Variants in MAML3 observed in about 807,000 individuals in gnomAD.
MAML3 encodes mastermind like transcriptional coactivator 3, also known as mastermind-like protein 3.
Under a neutral mutation model 101.9 loss-of-function variants are expected in MAML3, and 27 were observed. The observed-to-expected ratio is 0.27, with a 90% CI of 0.20 to 0.37. MAML3 has a LOEUF of 0.37. Among genes scored for constraint, MAML3 ranks in the 10% least tolerant of loss-of-function variants. The pLI, the probability that MAML3 is intolerant of heterozygous loss-of-function variation, is 1.00. For synonymous variants in MAML3, 501 were observed against 555.9 expected (o/e 0.90, Z 1.39); for missense variants, 1,316 against 1,444.9 (o/e 0.91, Z 1.45).
At chr4:139,933,993 CTA>C (rs1380461382) in intron 1 of MAML3, among the ~76,000 whole-genome samples, 2 of 151,938 alleles carry the variant, frequency 1.3e-5, no homozygotes, top group African/African-American at 4.8e-5. Context: ...GAATGTGTGA[CTA>C]TATGTGAATG....
At chr4:139,860,905 A>T (rs1560816766) in intron 2 of MAML3, among the ~76,000 whole-genome samples, 2 of 151,990 alleles carry the variant, frequency 1.3e-5, no homozygotes, top group Admixed American at 6.5e-5. Context: ...CATTTTCTAA[A>T]TTTCTCAGTG....
chr4:139,798,215 GA>G (rs1193972831), intron 2 of MAML3, among the ~76,000 whole-genome samples: 1 of 151,986 alleles, frequency 6.6e-6, no homozygotes, highest in Non-Finnish European at 1.5e-5. Context: ...AATACAATAA[GA>G]AAAAAATCAC....
chr4:139,761,038 A>C (rs1436972210), intron 2 of MAML3, among the ~76,000 whole-genome samples: 2 of 152,004 alleles, frequency 1.3e-5, no homozygotes, highest in East Asian at 3.9e-4. Context: ...GGCTCACTGC[A>C]ACCTCCACCT....
chr4:139,934,739 A>G (rs1214776224), intron 1 of MAML3, among the ~76,000 whole-genome samples: 2 of 152,176 alleles, frequency 1.3e-5, no homozygotes, highest in African/African-American at 2.4e-5. Flanking sequence ...CTCAACCACT[A>G]AAGTGTTCTT....
chr4:139,746,626 A>G (rs901181201), intron 2 of MAML3, among the ~76,000 whole-genome samples: 2 of 152,070 alleles, frequency 1.3e-5, no homozygotes, highest in Admixed American at 6.5e-5. Context: ...CCTCGTTGCC[A>G]TGGTCTTTCC....
intron 2 of MAML3, among the ~76,000 whole-genome samples, chr4:139,866,475 G>C (rs795983): frequency 6.6e-6 from 1 of 151,950 alleles, no homozygotes; most frequent in Non-Finnish European, 1.5e-5. Flanking sequence ...CTCAGTCACC[G>C]ACAGAAGGCA....
chr4:139,851,340 C>T (rs975838495), intron 2 of MAML3, among the ~76,000 whole-genome samples: 5 of 152,234 alleles, frequency 3.3e-5, no homozygotes, highest in African/African-American at 1.2e-4. Context: ...GGACTACTTC[C>T]TTCTTCAGGG....
At chr4:139,930,912 C>T (rs996345669) in intron 1 of MAML3, among the ~76,000 whole-genome samples, 27 of 151,978 alleles carry the variant, frequency 1.8e-4, no homozygotes, top group Admixed American at 8.5e-4. Flanking sequence ...ATTTCAAGCT[C>T]GGCCAGTAGG....
chr4:140,141,077 G>A (rs2111053946), intron 1 of MAML3, among the ~76,000 whole-genome samples: 1 of 152,312 alleles, frequency 6.6e-6, no homozygotes, highest in African/African-American at 2.4e-5. Context: ...GTCAGGTGAA[G>A]ACAGAAAAAT....
chr4:140,134,483 C>T (rs1274833696), intron 1 of MAML3: 3 of 392,996 alleles, frequency 7.6e-6, no homozygotes, highest in Non-Finnish European at 1.5e-5. Flanking sequence ...CTATTCTCCA[C>T]TTAAAAACAT....
rs1463751198 is a variant in MAML3, at chr4:139,719,595, A to T, written c.3145T>A (p.Ser1049Thr). 1.2e-6 allele frequency: 2 copies of T among 1,613,362 alleles called. No individual in the cohort carries two copies. The highest frequency in any genetic ancestry group is 8.5e-7 in the Non-Finnish European group (1 of 1,179,690). ...CCTGGGACTCCCTGGCTCAGGCCAG[A>T]CATGACCATTGGCCTCGCCTGGCTG... The part of the protein sequence containing the change: ...GTSQARPMVM[S>T]GLSQGVPGMP... The change falls in exon 5 of 5, where the codon TCT (serine) becomes ACT (threonine). Residue 1049 changes from serine to threonine, a missense_variant. Ser to Thr is a moderately conservative substitution (Grantham distance 58, BLOSUM62 1). Transcript: ENST00000509479.
intron 2 of MAML3, among the ~76,000 whole-genome samples, chr4:139,795,202 TA>T (rs555769043): frequency 7.6e-4 from 116 of 152,218 alleles, no homozygotes; most frequent in African/African-American, 2.6e-3. Flanking sequence ...ATAATTGTAA[TA>T]AAAAAAGACT....
In MAML3 at chr4:139,866,705, G is replaced by C. The variant is rs559774535; in HGVS notation, c.2079+22652C>G. ...GTATGTTTCAGACATAGAGGGAGAG[G>C]CTGTGATGGAAGTCAGCCAAGCGAA... On this transcript the variant is annotated intron_variant, in intron 2 of 4. Coordinates refer to ENST00000509479, the MANE Select transcript of MAML3 (RefSeq NM_018717.5). Among the ~76,000 whole-genome samples the C allele has an allele frequency of 6.6e-5, 10 of 152,198 alleles. No individual in the cohort carries two copies. The South Asian group carries it at 2.1e-3, about 32-fold the overall frequency.
At chr4:140,138,313 T>A (rs552458139) in intron 1 of MAML3, among the ~76,000 whole-genome samples, 1 of 152,332 alleles carries the variant, frequency 6.6e-6, no homozygotes, top group East Asian at 1.9e-4. Context: ...AATCCAAATC[T>A]AAAATCATTG....
At chr4:139,910,269 A>T (rs1732894186) in intron 1 of MAML3, among the ~76,000 whole-genome samples, 1 of 152,194 alleles carries the variant, frequency 6.6e-6, no homozygotes, top group South Asian at 2.1e-4. Flanking sequence ...AGAAACTCTG[A>T]GGGTGGGGCC....
intron 1 of MAML3, among the ~76,000 whole-genome samples, chr4:139,960,598 C>T (rs2110773671): frequency 6.6e-6 from 1 of 152,308 alleles, no homozygotes; most frequent in African/African-American, 2.4e-5. Context: ...CTTTGGGTCT[C>T]TTAAGCCTCA....
intron 2 of MAML3, among the ~76,000 whole-genome samples, chr4:139,840,123 C>T (rs3796627): frequency 0.37 from 56,706 of 152,042 alleles, 11,030 homozygotes; most frequent in East Asian, 0.68. Flanking sequence ...CTGGAAAAGA[C>T]CTGGATGGAG....
chr4:139,823,845 A>ATTTG (rs1379087136), intron 2 of MAML3, among the ~76,000 whole-genome samples: 2 of 151,578 alleles, frequency 1.3e-5, no homozygotes, highest in African/African-American at 4.8e-5. Flanking sequence ...CTCTATAAAT[A>ATTTG]TTTGTTTAAT....
chr4:139,980,396 C>G (rs182189037), intron 1 of MAML3, among the ~76,000 whole-genome samples: 42 of 152,268 alleles, frequency 2.8e-4, no homozygotes, highest in African/African-American at 9.1e-4. Flanking sequence ...TTCCCCCAGT[C>G]TCTGAAGCTT....
Sources: allele counts gnomAD v4.1 joint callset (sites outside exome capture counted in the v4.1 genomes callset), GRCh38; gene constraint gnomAD v4.1.1; transcripts MANE v1.5; gene names NCBI Gene and HGNC (gene_info 2026-07-23, HGNC 2026-07-21).